The following IQCM variants were observed in gnomAD, a reference collection of about 807,000 sequenced individuals.
IQCM encodes IQ domain-containing protein M.
A neutral mutation model predicts 57.6 loss-of-function variants in IQCM; 45 were observed. The ratio of observed to expected loss-of-function variants is 0.78; its 90% confidence interval spans 0.62 to 1.00. IQCM has a LOEUF of 1.00. Ranked by LOEUF, IQCM falls within the 50% of genes least tolerant of loss-of-function variation. The pLI is 0.00. For synonymous variants in IQCM, 148 were observed against 158.9 expected, an observed-to-expected ratio of 0.93 and a Z score of 0.51; for missense variants, 468 against 511.6, an observed-to-expected ratio of 0.91 and a Z score of 0.82.
At chr4:149,537,725 C>T (rs1747440724) in intron 12 of IQCM, among the ~76,000 whole-genome samples, 1 of 151,766 alleles carries the variant, frequency 6.6e-6, no homozygotes, top group Non-Finnish European at 1.5e-5. Context: ...GAGAAAATGC[C>T]TCATCATACA....
At chr4:149,425,533 G>T (rs181000812) in intron 13 of IQCM, among the ~76,000 whole-genome samples, 53 of 152,122 alleles carry the variant, frequency 3.5e-4, no homozygotes, top group African/African-American at 1.2e-3. Flanking sequence ...CAAGGCAGGA[G>T]AAGATGGATG....
chr4:149,681,685 C>A (rs982209081), intron 7 of IQCM, among the ~76,000 whole-genome samples: 1 of 151,024 alleles, frequency 6.6e-6, no homozygotes, highest in African/African-American at 2.4e-5. Flanking sequence ...AGCGGGAAAA[C>A]TAAAAAATAG....
chr4:149,355,515 T>C (rs1005301969), intron 13 of IQCM, among the ~76,000 whole-genome samples: 13 of 151,690 alleles, frequency 8.6e-5, no homozygotes, highest in Admixed American at 2.6e-4. Flanking sequence ...GTCCTTGCGA[T>C]AGTTTGCTGA....
intron 2 of IQCM, among the ~76,000 whole-genome samples, chr4:149,767,462 A>G (rs572644782): frequency 3.3e-5 from 5 of 152,200 alleles, no homozygotes; most frequent in African/African-American, 1.2e-4. Context: ...ATTTCACTAT[A>G]TTTAATTATA....
At chr4:149,672,472 T>A (rs1761383886) in intron 7 of IQCM, among the ~76,000 whole-genome samples, 2 of 152,134 alleles carry the variant, frequency 1.3e-5, no homozygotes, top group African/African-American at 4.8e-5. Context: ...AAGAACTACG[T>A]GACGCATGCG....
chr4:149,785,635 T>TA lies in IQCM; in HGVS notation c.-49+29675dup, dbSNP rs957429338. On this transcript the variant is annotated intron_variant, in intron 2 of 13. Coordinates refer to ENST00000636793, the MANE Select transcript of IQCM (RefSeq NM_001363507.2). ...ATCTCAACTTTAAGCATGAAATTGT[T>TA]AAAAAATGACCCAAAAAACTTAATT... Among the ~76,000 whole-genome samples, 13 of 148,858 alleles carry TA rather than the reference T, an allele frequency of 8.7e-5. No individual in the cohort carries two copies. In the East Asian group the frequency reaches 1.3e-3, roughly 15 times the overall value.
chr4:149,646,724 C>T (rs1457485412), intron 7 of IQCM, among the ~76,000 whole-genome samples: 2 of 152,186 alleles, frequency 1.3e-5, no homozygotes, highest in African/African-American at 4.8e-5. Flanking sequence ...TGGCTCACGC[C>T]TGTAATCCCA....
At chr4:149,655,024 T>G (rs1302280212) in intron 7 of IQCM, among the ~76,000 whole-genome samples, 1 of 152,190 alleles carries the variant, frequency 6.6e-6, no homozygotes, top group Admixed American at 6.5e-5. Context: ...GTTATAAGTG[T>G]GTCTCACATT....
chr4:149,791,139 G>T (rs1321355656), intron 2 of IQCM, among the ~76,000 whole-genome samples: 3 of 151,976 alleles, frequency 2.0e-5, no homozygotes, highest in African/African-American at 4.8e-5. Context: ...TCCAATAAAA[G>T]GATTAATAGT....
intron 13 of IQCM, among the ~76,000 whole-genome samples, chr4:149,352,484 T>C (rs113348321): frequency 1.2e-4 from 19 of 152,348 alleles, no homozygotes; most frequent in African/African-American, 2.9e-4. Flanking sequence ...GGTGTGTAGC[T>C]ACTGTATTAG....
intron 9 of IQCM, among the ~76,000 whole-genome samples, chr4:149,565,615 A>C (rs976438112): frequency 2.0e-5 from 3 of 152,292 alleles, no homozygotes; most frequent in African/African-American, 7.2e-5. Flanking sequence ...CAGATTAAGA[A>C]ATTTTCATAA....
intron 2 of IQCM, among the ~76,000 whole-genome samples, chr4:149,813,237 GATCT>G (rs1319669668): frequency 6.6e-6 from 1 of 152,050 alleles, no homozygotes; most frequent in Admixed American, 6.6e-5. Flanking sequence ...ATTAGCTTCA[GATCT>G]ATCGTCTGAA....
At chr4:149,480,920 T>C (rs2149750092) in intron 12 of IQCM, among the ~76,000 whole-genome samples, 1 of 152,292 alleles carries the variant, frequency 6.6e-6, no homozygotes, top group Non-Finnish European at 1.5e-5. Flanking sequence ...CTAGTGTTTG[T>C]TATTGCCTGT....
chr4:149,726,466 T>G (rs1765954623), intron 5 of IQCM, among the ~76,000 whole-genome samples: 1 of 152,216 alleles, frequency 6.6e-6, no homozygotes, highest in African/African-American at 2.4e-5. Flanking sequence ...TCCCCTGATT[T>G]GGCTCCTGTT....
chr4:149,813,668 T>C (rs938709321), intron 2 of IQCM, among the ~76,000 whole-genome samples: 11 of 152,102 alleles, frequency 7.2e-5, no homozygotes, highest in African/African-American at 2.7e-4. Context: ...CTACTCCACT[T>C]TAGTTACTTA....
intron 2 of IQCM, among the ~76,000 whole-genome samples, chr4:149,760,026 G>A (rs1769353130): frequency 6.7e-6 from 1 of 149,170 alleles, no homozygotes; most frequent in Non-Finnish European, 1.5e-5. Flanking sequence ...AAGGAAGGAA[G>A]GGAAGGGAAG....
At chr4:149,387,458 T>A (rs1277825952) in intron 13 of IQCM, among the ~76,000 whole-genome samples, 1 of 152,096 alleles carries the variant, frequency 6.6e-6, no homozygotes, top group Non-Finnish European at 1.5e-5. Flanking sequence ...TCTCTGGTGA[T>A]CTTTGTCCAA....
At chr4:149,470,770 C>T (rs1394235368) in intron 12 of IQCM, among the ~76,000 whole-genome samples, 1 of 152,178 alleles carries the variant, frequency 6.6e-6, no homozygotes, top group Non-Finnish European at 1.5e-5. Context: ...CAAACTGTCT[C>T]TCAGACCACA....
intron 8 of IQCM, among the ~76,000 whole-genome samples, chr4:149,611,987 A>T (rs946324053): frequency 6.6e-6 from 1 of 152,080 alleles, no homozygotes; most frequent in Non-Finnish European, 1.5e-5. Flanking sequence ...TAAAGAAAAG[A>T]GGTTTAATTG....
Sources: gnomAD v4.1 joint callset for allele counts (sites outside exome capture counted in the v4.1 genomes callset) on GRCh38, gnomAD v4.1.1 for gene constraint, MANE v1.5 for transcripts, NCBI Gene and HGNC (gene_info 2026-07-23, HGNC 2026-07-21) for gene names.